The following PDE4B variants were observed in gnomAD, a reference collection of about 807,000 sequenced individuals.
PDE4B encodes the protein 3',5'-cyclic-AMP phosphodiesterase 4B.
PDE4B carries 20 observed loss-of-function variants against 82.2 expected under a neutral mutation model. The observed-to-expected ratio is 0.24, with a 90% CI of 0.17 to 0.35. PDE4B has a LOEUF of 0.35. Among genes scored for constraint, PDE4B ranks in the 10% least tolerant of loss-of-function variants. PDE4B has a pLI of 1.00. For missense variants in PDE4B, 655 were observed against 907.2 expected (o/e 0.72, Z 3.57); for synonymous variants, 320 against 318.9 (o/e 1.00, Z -0.04).
chr1:65,836,799 C>T (rs1396495714), intron 1 of PDE4B, among the ~76,000 whole-genome samples: 1 of 152,128 alleles, frequency 6.6e-6, no homozygotes, highest in Non-Finnish European at 1.5e-5. Context: ...TACAGCTTAT[C>T]CATGGTAGAG....
At chr1:66,058,765 C>T (rs1418161609) in intron 3 of PDE4B, among the ~76,000 whole-genome samples, 1 of 152,128 alleles carries the variant, frequency 6.6e-6, no homozygotes, top group African/African-American at 2.4e-5. Context: ...TGGGCCCGGG[C>T]CATGAAACCA....
intron 3 of PDE4B, among the ~76,000 whole-genome samples, chr1:65,957,141 G>C (rs1013931430): frequency 6.7e-5 from 10 of 149,760 alleles, no homozygotes; most frequent in Non-Finnish European, 1.2e-4. Flanking sequence ...TTTGTCTCAG[G>C]CTGGCTTGTC....
chr1:66,223,689 C>A (rs1651191670), intron 3 of PDE4B, among the ~76,000 whole-genome samples: 1 of 152,088 alleles, frequency 6.6e-6, no homozygotes, highest in Non-Finnish European at 1.5e-5. Flanking sequence ...CATTCCCCCC[C>A]AGCCCCACAT....
chr1:66,094,034 A>G (rs933204780), intron 3 of PDE4B, among the ~76,000 whole-genome samples: 4 of 152,118 alleles, frequency 2.6e-5, no homozygotes, highest in Admixed American at 2.6e-4. Flanking sequence ...ACAAAAACAC[A>G]TAATCTAATA....
chr1:65,888,673 A>G (rs1418801077), intron 1 of PDE4B, among the ~76,000 whole-genome samples: 1 of 151,890 alleles, frequency 6.6e-6, no homozygotes, highest in South Asian at 2.1e-4. Context: ...TCCTTGGTTA[A>G]ATTTATTCCT....
intron 3 of PDE4B, among the ~76,000 whole-genome samples, chr1:66,181,681 T>C (rs1409489093): frequency 1.3e-5 from 2 of 152,170 alleles, no homozygotes; most frequent in Non-Finnish European, 2.9e-5. Flanking sequence ...CCCAATCTTC[T>C]CTCTACTCCA....
intron 8 of PDE4B, among the ~76,000 whole-genome samples, chr1:66,354,209 C>G (rs537529069): frequency 6.6e-6 from 1 of 152,120 alleles, no homozygotes; most frequent in Admixed American, 6.5e-5. Context: ...TTCAGAAAAT[C>G]GATTAATCAA....
intron 3 of PDE4B, among the ~76,000 whole-genome samples, chr1:66,213,275 C>T (rs992815786): frequency 6.6e-6 from 1 of 152,106 alleles, no homozygotes; most frequent in Non-Finnish European, 1.5e-5. Context: ...TGTTTTTGCT[C>T]CCTTCAGAGA....
intron 7 of PDE4B, among the ~76,000 whole-genome samples, chr1:66,301,805 G>A (rs1389767776): frequency 6.6e-6 from 1 of 152,120 alleles, no homozygotes. Flanking sequence ...CTACCCATGC[G>A]AGTTATAAAG....
chr1:65,892,901 TCAGA>T (rs1646868075), intron 1 of PDE4B, among the ~76,000 whole-genome samples: 1 of 152,026 alleles, frequency 6.6e-6, no homozygotes, highest in African/African-American at 2.4e-5. Context: ...AATTCACTAC[TCAGA>T]CAGTATTTTC....
chr1:65,846,705 T>C (rs933634843), intron 1 of PDE4B, among the ~76,000 whole-genome samples: 2 of 152,212 alleles, frequency 1.3e-5, no homozygotes, highest in African/African-American at 4.8e-5. Context: ...TTCTGAAAGC[T>C]CTAGAATTCT....
chr1:65,820,833 C>A (rs1645943914), intron 1 of PDE4B, among the ~76,000 whole-genome samples: 1 of 152,134 alleles, frequency 6.6e-6, no homozygotes, highest in South Asian at 2.1e-4. Context: ...AATTACTCAG[C>A]CATCCACTTT....
intron 1 of PDE4B, among the ~76,000 whole-genome samples, chr1:65,838,713 G>C (rs1449484604): frequency 6.6e-6 from 1 of 150,946 alleles, no homozygotes. Context: ...GATCGATTTA[G>C]CCCTGAAAGA....
At chr1:66,257,716 C>T (rs1654351091) in intron 5 of PDE4B, 33 bp downstream of exon 5, 1 of 1,611,512 alleles carries the variant, frequency 6.2e-7, no homozygotes, top group African/African-American at 1.3e-5. Flanking sequence ...CTTGCTTTCA[C>T]TGTCGCTGGT....
At chr1:66,314,504 C>T (rs1342780749) in intron 7 of PDE4B, among the ~76,000 whole-genome samples, 1 of 152,112 alleles carries the variant, frequency 6.6e-6, no homozygotes, top group African/African-American at 2.4e-5. Flanking sequence ...CCTCTGTCTC[C>T]CAGGTTCAAG....
chr1:65,978,727 A>G (rs1029999444), intron 3 of PDE4B, among the ~76,000 whole-genome samples: 1 of 152,230 alleles, frequency 6.6e-6, no homozygotes, highest in African/African-American at 2.4e-5. Context: ...GACAGTATAA[A>G]TGATAGCTTA....
intron 3 of PDE4B, among the ~76,000 whole-genome samples, chr1:66,233,510 T>C (rs1652155605): frequency 6.6e-6 from 1 of 152,246 alleles, no homozygotes; most frequent in Admixed American, 6.5e-5. Context: ...TTTGCTTTGA[T>C]ATCATTGTCT....
intron 3 of PDE4B, among the ~76,000 whole-genome samples, chr1:65,941,187 A>C (rs1275626935): frequency 6.6e-6 from 1 of 152,028 alleles, no homozygotes; most frequent in Non-Finnish European, 1.5e-5. Flanking sequence ...GTTCTGTCAC[A>C]GTCTTGCCAA....
chr1:66,178,029 T>A (rs1308943216), intron 3 of PDE4B, among the ~76,000 whole-genome samples: 3 of 148,982 alleles, frequency 2.0e-5, no homozygotes, highest in Non-Finnish European at 4.4e-5. Flanking sequence ...CTACTATTCC[T>A]TAAAAAAAAA....
Sources: allele counts gnomAD v4.1 joint callset (sites outside exome capture counted in the v4.1 genomes callset), GRCh38; gene constraint gnomAD v4.1.1; transcripts MANE v1.5; gene names NCBI Gene and HGNC (gene_info 2026-07-23, HGNC 2026-07-21).